PRRC2B: variants seen among roughly 807,000 people sequenced by gnomAD.
PRRC2B encodes the protein protein PRRC2B.
Under a neutral mutation model 242.3 loss-of-function variants are expected in PRRC2B, and 68 were observed. That is an observed-to-expected ratio of 0.28 (90% CI 0.23 to 0.34). PRRC2B has a LOEUF of 0.34. PRRC2B is among the 10% of genes least tolerant of loss of function. The pLI is 1.00. For synonymous variants in PRRC2B, 1,228 were observed against 1,173.6 expected, an observed-to-expected ratio of 1.05 and a Z score of -0.95; for missense variants, 2,835 against 2,954.8, an observed-to-expected ratio of 0.96 and a Z score of 0.94.
chr9:131,484,680 C>G lies in PRRC2B; in HGVS notation c.5461-6C>G. ...TGTTCCATGGTTTCCTTTTCCTCCT[C>G]TCCAGGCAGGGTTAACACAGAGTAT... On this transcript the variant is annotated splice_region_variant and splice_polypyrimidine_tract_variant and intron_variant, in intron 23 of 31. Transcript: ENST00000683519. 2 of 1,594,738 alleles carry G rather than the reference C, an allele frequency of 1.3e-6. No homozygotes were observed. The highest frequency in any genetic ancestry group is 1.7e-6 in the Non-Finnish European group (2 of 1,170,782).
upstream of PRRC2B, among the ~76,000 whole-genome samples, chr9:131,393,817 G>A (rs1836952178): frequency 6.6e-6 from 1 of 150,634 alleles, no homozygotes; most frequent in African/African-American, 2.4e-5. Context: ...TCCCCGCTCT[G>A]CCCCGTTCTC....
Position 131,496,264 on chromosome 9 carries a change from C to T in PRRC2B, c.*390C>T. 5.5e-6 allele frequency: 1 copy of T among 180,182 alleles called. No homozygotes were observed. The highest frequency in any genetic ancestry group is 1.2e-5 in the Non-Finnish European group (1 of 86,928). The allele number at this position is 180,182 out of a possible 1,614,324, so 11.2% of individuals were successfully genotyped here. A position where few individuals can be genotyped will look rare whatever the true frequency, so the allele number is the denominator to read the frequency against. ...ATCCCTAGGCACAGTGATTTGGCAG[C>T]AGGGTCATTTTACTTTGAGGCTTTT... On this transcript the variant is annotated 3_prime_UTR_variant, in exon 32 of 32. Transcript: ENST00000683519.
chr9:131,399,949 G>T (rs1837185358), intron 1 of PRRC2B, among the ~76,000 whole-genome samples: 1 of 152,160 alleles, frequency 6.6e-6, no homozygotes, highest in Non-Finnish European at 1.5e-5. Context: ...GGTCCACGTG[G>T]CTGATTATCT....
At chr9:131,391,801 C>A (rs745483719), upstream of PRRC2B, among the ~76,000 whole-genome samples, 1 of 152,128 alleles carries the variant, frequency 6.6e-6, no homozygotes, top group Non-Finnish European at 1.5e-5. Context: ...AGTGAAGTGG[C>A]GTGCTCTTGG....
At chr9:131,440,266 TTGGC>T (rs959284569) in intron 5 of PRRC2B, among the ~76,000 whole-genome samples, 17 of 152,162 alleles carry the variant, frequency 1.1e-4, no homozygotes, top group African/African-American at 3.9e-4. Context: ...AACTGGTTCT[TTGGC>T]TTTCCATATC....
chr9:131,468,487 CT>C (rs1279963792), intron 13 of PRRC2B, among the ~76,000 whole-genome samples: 1 of 152,056 alleles, frequency 6.6e-6, no homozygotes, highest in East Asian at 1.9e-4. Flanking sequence ...AAGGGACCTA[CT>C]TTTTGTCCTA....
chr9:131,440,513 C>T (rs1032696708), intron 5 of PRRC2B, among the ~76,000 whole-genome samples: 8 of 152,118 alleles, frequency 5.3e-5, no homozygotes, highest in South Asian at 2.1e-4. Flanking sequence ...GCCAGTTTGG[C>T]GCTGCCTGGC....
At chr9:131,423,941 G>GTTT (rs561661956) in intron 1 of PRRC2B, among the ~76,000 whole-genome samples, 1 of 147,064 alleles carries the variant, frequency 6.8e-6, no homozygotes, top group South Asian at 2.1e-4. Flanking sequence ...TTTCTGCTAC[G>GTTT]TTTTTTTTTT....
At position 131,494,585 on chromosome 9, in the gene PRRC2B, G is replaced by C. The variant is rs1378349344; in HGVS notation, c.6555+99G>C. ...TGTCCAACCTATCTGAGCGCCCCCT[G>C]TCTAAAGACAGCCATGCCCTAGCGG... On this transcript the variant is annotated intron_variant, in intron 31 of 31. Coordinates refer to ENST00000683519, the MANE Select transcript of PRRC2B (RefSeq NM_013318.4). This position sits in a 1 kb window ranked among gnomAD's most constrained non-coding sequence, Gnocchi z 4.3. 9.0e-6 allele frequency: 6 copies of C among 663,880 alleles called. No homozygotes were observed. Among genetic ancestry groups the C allele is most frequent in the Non-Finnish European group, 1.6e-5 (6 of 384,642 alleles). The allele number at this position is 663,880 out of a possible 1,614,324, so 41.1% of individuals were successfully genotyped here.
At chr9:131,454,539 G>T (rs1276097101) in intron 9 of PRRC2B, among the ~76,000 whole-genome samples, 1 of 152,158 alleles carries the variant, frequency 6.6e-6, no homozygotes, top group African/African-American at 2.4e-5. Flanking sequence ...ACAGGGGTAG[G>T]CAGCCAGGTG....
intron 11 of PRRC2B, among the ~76,000 whole-genome samples, chr9:131,461,488 T>C (rs1943240280): frequency 6.6e-6 from 1 of 151,394 alleles, no homozygotes; most frequent in Non-Finnish European, 1.5e-5. Context: ...GAAGGGGGAG[T>C]CATGACTTTG....
intron 1 of PRRC2B, among the ~76,000 whole-genome samples, chr9:131,402,428 T>G (rs1192139340): frequency 6.6e-6 from 1 of 152,264 alleles, no homozygotes; most frequent in Non-Finnish European, 1.5e-5. Context: ...CAGAACTAAC[T>G]TCATTCTTAA....
chr9:131,454,410 T>C (rs1943011117), intron 9 of PRRC2B, among the ~76,000 whole-genome samples: 1 of 152,232 alleles, frequency 6.6e-6, no homozygotes, highest in African/African-American at 2.4e-5. Context: ...GTTCATCCTC[T>C]TGGGCCTTGA....
At chr9:131,423,410 G>A (rs1163621681) in intron 1 of PRRC2B, among the ~76,000 whole-genome samples, 3 of 152,160 alleles carry the variant, frequency 2.0e-5, no homozygotes, top group Non-Finnish European at 4.4e-5. Flanking sequence ...ATGGAAACTC[G>A]GCAGGTATTT....
chr9:131,494,483 A>G lies in PRRC2B; in HGVS notation c.6552A>G (p.Gln2184=). ...GCTCTGTGCAGGGACACTACGTGCAACAGGTAGAAGATGGCTTTCCAGACC... is the reference window on the plus strand; with the variant it reads ...GCTCTGTGCAGGGACACTACGTGCAGCAGGTAGAAGATGGCTTTCCAGACC... ...NMGSVQGHYV[Q]QAKQRVDEKP... Residue 2184 remains glutamine, a synonymous_variant, in exon 31 of 32, where the codon CAA becomes CAG. Transcript: ENST00000683519. The surrounding 1 kb of genome is among the most constrained non-coding windows in gnomAD (Gnocchi z 4.3). The G allele has an allele frequency of 6.3e-7, 1 of 1,575,382 alleles. No individual in the cohort carries two copies. Among genetic ancestry groups the G allele is most frequent in the Non-Finnish European group, 8.7e-7 (1 of 1,149,076 alleles).
At chr9:131,393,518 C>T (rs1430168054), upstream of PRRC2B, among the ~76,000 whole-genome samples, 1 of 152,210 alleles carries the variant, frequency 6.6e-6, no homozygotes, top group African/African-American at 2.4e-5. Flanking sequence ...GGACAAAGTA[C>T]CCATATTGTG....
At chr9:131,389,645 G>A (rs1836872510), upstream of PRRC2B, among the ~76,000 whole-genome samples, 2 of 150,452 alleles carry the variant, frequency 1.3e-5, no homozygotes, top group South Asian at 4.2e-4. Flanking sequence ...TAGTGCATGT[G>A]CTTATTTGGC....
upstream of PRRC2B, among the ~76,000 whole-genome samples, chr9:131,393,137 CA>C (rs1301447221): frequency 2.6e-5 from 4 of 152,214 alleles, no homozygotes; most frequent in African/African-American, 9.6e-5. Context: ...CACATTCTCT[CA>C]AAGCCTCCTT....
chr9:131,449,013 A>G (rs1229215865), intron 9 of PRRC2B, among the ~76,000 whole-genome samples: 1 of 152,038 alleles, frequency 6.6e-6, no homozygotes, highest in South Asian at 2.1e-4. Context: ...ACCCTAGATT[A>G]GTTTTGCCTA....
Sources: allele counts gnomAD v4.1 joint callset (sites outside exome capture counted in the v4.1 genomes callset), GRCh38; gene constraint gnomAD v4.1.1; non-coding constraint Gnocchi (gnomAD v3.1); transcripts MANE v1.5; gene names NCBI Gene and HGNC (gene_info 2026-07-23, HGNC 2026-07-21).